The following LAMA5 variants were observed in gnomAD, a reference collection of about 807,000 sequenced individuals.
LAMA5 encodes laminin subunit alpha-5.
LAMA5 carries 260 observed loss-of-function variants against 433.4 expected under a neutral mutation model. The ratio of observed to expected loss-of-function variants is 0.60; its 90% CI spans 0.54 to 0.66. The LOEUF (loss-of-function observed/expected upper bound fraction) is 0.66, where lower values mean the gene tolerates loss of function less well. Among genes scored for constraint, LAMA5 ranks in the 30% least tolerant of loss-of-function variants. The probability of loss-of-function intolerance (pLI) is 0.00; values close to 1 mark genes in which losing one functional copy is unlikely to be tolerated. For missense variants in LAMA5, 5,378 were observed against 5,258.5 expected (o/e 1.02, Z -0.70); for synonymous variants, 2,620 against 2,226.6 (o/e 1.18, Z -4.97).
chr20:62,334,730 G>GTCAGGGC lies in LAMA5; in HGVS notation c.2483-116_2483-110dup, dbSNP rs149378083. The GTCAGGGC allele has an allele frequency of 0.078, 47,418 of 610,624 alleles. 3,606 individuals carry two copies. The highest frequency in any genetic ancestry group is 0.17 in the African/African-American group (8,788 of 52,816). The allele number at this position is 610,624 out of a possible 1,614,324, so 37.8% of individuals were successfully genotyped here. On this transcript the variant is annotated intron_variant, in intron 20 of 79. Coordinates refer to ENST00000252999, the MANE Select transcript of LAMA5 (RefSeq NM_005560.6). ...CCTGGGGCTCTCTGGATGATGGAGA[G>GTCAGGGC]TCAGGGCTCAGGGCTCAGGGCTCAG...
At chr20:62,326,640 C>A in intron 40 of LAMA5, 37 bp downstream of exon 40, 1 of 1,555,714 alleles carries the variant, frequency 6.4e-7, no homozygotes, top group African/African-American at 1.4e-5. Flanking sequence ...AGCTGAGGTC[C>A]ATGAGGGACC....
intron 2 of LAMA5, among the ~76,000 whole-genome samples, chr20:62,360,940 C>A (rs1986061683): frequency 6.6e-6 from 1 of 152,130 alleles, no homozygotes. Flanking sequence ...GGCTTCCCTG[C>A]CCCACCCAGG....
At chr20:62,354,618 CCAGGAGCAGGGGGGGTCCCGAGGCACA>C (rs980761009) in intron 2 of LAMA5, among the ~76,000 whole-genome samples, 2 of 152,102 alleles carry the variant, frequency 1.3e-5, no homozygotes, top group Non-Finnish European at 1.5e-5. Context: ...GAGGCTGCAC[CCAGGAGCAGGGGGGGTCCCGAGGCACA>C]CAGGAGGGGG....
intron 19 of LAMA5, 39 bp downstream of exon 19, chr20:62,335,178 G>A: frequency 1.2e-5 from 20 of 1,612,490 alleles, no homozygotes; most frequent in Non-Finnish European, 1.7e-5. Context: ...CCTGACCAGT[G>A]TGCCCCCAAA....
intron 2 of LAMA5, among the ~76,000 whole-genome samples, chr20:62,358,097 T>TG (rs140367426): frequency 1.3e-5 from 2 of 152,104 alleles, no homozygotes; most frequent in African/African-American, 4.8e-5. Context: ...CACCAGGGCC[T>TG]GGGGGGTCTA....
intron 45 of LAMA5, 80 bp from the exon 46 acceptor site, chr20:62,322,838 C>T (rs1219093366): frequency 1.1e-5 from 10 of 895,342 alleles, no homozygotes; most frequent in Non-Finnish European, 1.5e-5. Context: ...TAAGCCCTCA[C>T]TTCACTGCCT....
Position 62,337,936 on chromosome 20 carries a change from A to G in LAMA5, c.1894T>C (p.Cys632Arg). 6.2e-7 allele frequency: 1 copy of G among 1,608,964 alleles called. No homozygotes were observed. The highest frequency in any genetic ancestry group is 8.5e-7 in the Non-Finnish European group (1 of 1,178,110). The change falls in exon 15 of 80, where the codon TGC (cysteine) becomes CGC (arginine). Residue 632 changes from cysteine to arginine, a missense_variant and splice_region_variant. Cys to Arg is a radical substitution (Grantham distance 180). Coordinates refer to ENST00000252999, the MANE Select transcript of LAMA5 (RefSeq NM_005560.6). Reference protein sequence around the residue: ...GYHGFPNCQACTCDPRGALDQ... With the variant: ...GYHGFPNCQARTCDPRGALDQ... Reference sequence around the variant, plus strand: ...AGGGCTCCCCGAGGGTCGCAGGTGCATGCTGCAGAGGGACAATGGGGTCAG... The same window carrying G: ...AGGGCTCCCCGAGGGTCGCAGGTGCGTGCTGCAGAGGGACAATGGGGTCAG...
At chr20:62,332,260 G>C in intron 28 of LAMA5, 112 bp downstream of exon 28, 3 of 747,858 alleles carry the variant, frequency 4.0e-6, no homozygotes, top group Non-Finnish European at 7.0e-6. Context: ...GCATGAGCGA[G>C]TGTGGCCGCC....
At chr20:62,346,331 AG>A in intron 9 of LAMA5, 116 bp from the exon 10 acceptor site, 1 of 1,437,014 alleles carries the variant, frequency 7.0e-7, no homozygotes, top group Non-Finnish European at 9.4e-7. Context: ...GGCTACAGCC[AG>A]GCCCCCTGGG....
Position 62,333,605 on chromosome 20 carries a change from C to T in LAMA5, c.2980G>A (p.Gly994Ser). 1 of 1,574,252 alleles carries T rather than the reference C, an allele frequency of 6.4e-7. No homozygotes were observed. Among genetic ancestry groups the T allele is most frequent in the Non-Finnish European group, 8.6e-7 (1 of 1,160,314 alleles). ...GFGEPFVLNP[G>S]TWALRVEAEG... ...GCCTCCACACGCAGGGCCCAGGTGCCAGGGTTCAGCACAAAGGGCTCTCCG... is the reference window on the plus strand; with the variant it reads ...GCCTCCACACGCAGGGCCCAGGTGCTAGGGTTCAGCACAAAGGGCTCTCCG... The change falls in exon 24 of 80, where the codon GGC becomes AGC. Residue 994 changes from glycine to serine, a missense_variant. Transcript: ENST00000252999.
chr20:62,348,652 T>TA (rs576300804), intron 6 of LAMA5, among the ~76,000 whole-genome samples: 10 of 150,696 alleles, frequency 6.6e-5, no homozygotes, highest in South Asian at 4.2e-4. Context: ...AACATAATAA[T>TA]AAAAAAAATA....
intron 58 of LAMA5, among the ~76,000 whole-genome samples, chr20:62,315,667 G>A (rs1429657140): frequency 6.6e-6 from 1 of 152,136 alleles, no homozygotes; most frequent in Non-Finnish European, 1.5e-5. Context: ...TTCCTGCAGG[G>A]TGTGCCCCAA....
At position 62,362,501 on chromosome 20, in the gene LAMA5, C is replaced by G; in HGVS notation, c.349G>C (p.Ala117Pro). The G allele has an allele frequency of 1.2e-6, 2 of 1,604,508 alleles. No individual in the cohort carries two copies. The highest frequency in any genetic ancestry group is 1.1e-5 in the South Asian group (1 of 90,134). ...TAANSNKAHP[A>P]SNAIDGTERW... ...TCCGTGCCATCGATGGCATTGCTCG[C>G]GGGGTGTGCCTTGTTGCTGTTGGCA... Residue 117 changes from alanine (A) to proline (P), a missense_variant, in exon 2 of 80, where the codon GCG (alanine) becomes CCG (proline). Physicochemically the swap from Ala to Pro is conservative, Grantham distance 27. Transcript: ENST00000252999.
chr20:62,352,521 C>A (rs1984512011), intron 3 of LAMA5, among the ~76,000 whole-genome samples, 161 bp from the exon 4 acceptor site: 1 of 152,176 alleles, frequency 6.6e-6, no homozygotes, highest in South Asian at 2.1e-4. Flanking sequence ...AGGGGCCTGG[C>A]CCGTTGGACT....
intron 2 of LAMA5, among the ~76,000 whole-genome samples, chr20:62,361,087 T>TCCCGC (rs1719976004): frequency 6.6e-6 from 1 of 151,912 alleles, no homozygotes; most frequent in South Asian, 2.1e-4. Context: ...GTGCCCAGCT[T>TCCCGC]CCCGCCCCGA....
chr20:62,313,929 G>A (rs1178144586), intron 62 of LAMA5, 127 bp from the exon 63 acceptor site: 13 of 970,106 alleles, frequency 1.3e-5, no homozygotes, highest in East Asian at 8.4e-5. Flanking sequence ...ACGGAGAGAC[G>A]AGGGGTGGCG....
chr20:62,337,823 G>A lies in LAMA5; in HGVS notation c.2007C>T (p.His669=), dbSNP rs141797832. ...TACQECSPGF[H]GFPSCVPCHC... ...ACTCACGGACACAGCTGGGGAAGCC[G>A]TGAAAGCCGGGGCTGCATTCCTGGC... The change falls in exon 15 of 80, where the codon CAC becomes CAT. Residue 669 remains histidine (H), a synonymous_variant. Coordinates refer to ENST00000252999, the MANE Select transcript of LAMA5 (RefSeq NM_005560.6). 1.1e-3 allele frequency: 1,783 copies of A among 1,612,710 alleles called. 16 individuals are homozygous for A. The African/African-American group carries it at 0.021, about 19-fold the overall frequency.
At chr20:62,350,131 C>G (rs1051096970) in intron 6 of LAMA5, among the ~76,000 whole-genome samples, 7 of 151,820 alleles carry the variant, frequency 4.6e-5, no homozygotes, top group Admixed American at 3.9e-4. Flanking sequence ...TGCGGTGAGT[C>G]AGGGGATGGC....
rs773233129 is a variant in LAMA5 at position 62,313,373 on chromosome 20, C to T, written c.8746G>A (p.Glu2916Lys). 1.7e-5 allele frequency: 27 copies of T among 1,592,414 alleles called. No individual in the cohort carries two copies. The highest frequency in any genetic ancestry group is 2.1e-5 in the Non-Finnish European group (25 of 1,170,256). Reference protein sequence around the residue: ...NEEVVSLYNFERTFQLDTAVD... With the variant: ...NEEVVSLYNFKRTFQLDTAVD... ...GCCGTGTCCAGCTGGAAGGTCCTCT[C>T]GAAGTTGTAGAGGCTGACCACCTCC... is the stretch of plus-strand genomic sequence containing the variant. The change falls in exon 64 of 80, where the codon GAG becomes AAG. Residue 2916 changes from glutamate to lysine, a missense_variant. Transcript: ENST00000252999.
Sources: gnomAD v4.1 joint callset for allele counts (sites outside exome capture counted in the v4.1 genomes callset) on GRCh38, gnomAD v4.1.1 for gene constraint, MANE v1.5 for transcripts, NCBI Gene and HGNC (gene_info 2026-07-23, HGNC 2026-07-21) for gene names.